The following KCNIP4 variants were observed in gnomAD, a reference collection of about 807,000 sequenced individuals.
KCNIP4 encodes Kv channel-interacting protein 4.
KCNIP4 carries 12 observed loss-of-function variants against 34.0 expected under a neutral mutation model. That is an observed-to-expected ratio of 0.35 (90% CI 0.23 to 0.57). KCNIP4 has a LOEUF of 0.57. Ranked by LOEUF, KCNIP4 falls within the 20% of genes least tolerant of loss-of-function variation. The probability of loss-of-function intolerance (pLI) is 0.83; values close to 1 mark genes in which losing one functional copy is unlikely to be tolerated. For missense variants in KCNIP4, 238 were observed against 311.7 expected, an observed-to-expected ratio of 0.76 and a Z score of 1.78; for synonymous variants, 124 against 102.2, an observed-to-expected ratio of 1.21 and a Z score of -1.29.
At chr4:20,735,942 T>C (rs1475473903) in intron 5 of KCNIP4, among the ~76,000 whole-genome samples, 1 of 152,232 alleles carries the variant, frequency 6.6e-6, no homozygotes, top group Non-Finnish European at 1.5e-5. Context: ...CCAAAAGTCT[T>C]CTGGGTGAAT....
rs756151850 is a variant in KCNIP4 at position 21,387,589 on chromosome 4, C to T, written c.62-504880G>A. 1.1e-4 allele frequency among the ~76,000 whole-genome samples: 17 copies of T among 152,210 alleles called. No individual in the cohort carries two copies. The East Asian group carries it at 1.7e-3, about 16-fold the overall frequency. On this transcript the variant is annotated intron_variant, in intron 1 of 8. Transcript: ENST00000382152. ...TTTCCATTTCTGAAAAGAAAAACAA[C>T]GCACACTATTAAATTCCTGGCTCAG...
intron 1 of KCNIP4, among the ~76,000 whole-genome samples, chr4:20,900,187 A>G: frequency 6.6e-6 from 1 of 152,320 alleles, no homozygotes; most frequent in Non-Finnish European, 1.5e-5. Context: ...GAAATGGAAT[A>G]TAGGGCTCCT....
chr4:21,296,212 A>G (rs1763831581), intron 1 of KCNIP4, among the ~76,000 whole-genome samples: 1 of 151,470 alleles, frequency 6.6e-6, no homozygotes, highest in Non-Finnish European at 1.5e-5. Flanking sequence ...CATCAGAACC[A>G]GTTTTAAACT....
At chr4:21,019,399 C>G (rs4549381) in intron 1 of KCNIP4, among the ~76,000 whole-genome samples, 7,480 of 152,292 alleles carry the variant, frequency 0.049, 238 homozygotes, top group Admixed American at 0.082. Flanking sequence ...CTCAGGTAAT[C>G]TGCCTGACTC....
chr4:21,156,871 G>A (rs1198535176), intron 1 of KCNIP4, among the ~76,000 whole-genome samples: 1 of 152,006 alleles, frequency 6.6e-6, no homozygotes, highest in Non-Finnish European at 1.5e-5. Flanking sequence ...AAGGTAATAT[G>A]CATTACTAAT....
At chr4:21,863,032 T>C (rs928558427) in intron 1 of KCNIP4, among the ~76,000 whole-genome samples, 4 of 152,090 alleles carry the variant, frequency 2.6e-5, no homozygotes, top group Non-Finnish European at 4.4e-5. Context: ...TTCCCATACT[T>C]TGGTACTGTT....
intron 1 of KCNIP4, among the ~76,000 whole-genome samples, chr4:21,061,942 C>A (rs1743962098): frequency 6.6e-6 from 1 of 152,130 alleles, no homozygotes; most frequent in Non-Finnish European, 1.5e-5. Context: ...AGGCAGATGG[C>A]CATCTACAAG....
intron 3 of KCNIP4, among the ~76,000 whole-genome samples, chr4:20,805,729 T>G (rs1392102586): frequency 1.3e-5 from 2 of 152,168 alleles, no homozygotes; most frequent in Admixed American, 1.3e-4. Flanking sequence ...AAATCTGTCT[T>G]TAATGGTTCT....
At chr4:21,619,433 A>C (rs1744855447) in intron 1 of KCNIP4, among the ~76,000 whole-genome samples, 1 of 152,232 alleles carries the variant, frequency 6.6e-6, no homozygotes, top group South Asian at 2.1e-4. Context: ...TATTTACATA[A>C]GTTTTGATCA....
chr4:21,913,710 G>A (rs552148283), intron 1 of KCNIP4, among the ~76,000 whole-genome samples: 32 of 152,182 alleles, frequency 2.1e-4, no homozygotes, highest in Admixed American at 4.6e-4. Context: ...TGAAGTAATC[G>A]AATAAGCATT....
At chr4:21,065,609 C>G (rs1744280230) in intron 1 of KCNIP4, among the ~76,000 whole-genome samples, 2 of 151,158 alleles carry the variant, frequency 1.3e-5, no homozygotes, top group Non-Finnish European at 2.9e-5. Flanking sequence ...TTCCAAATTG[C>G]TGACTGTACA....
At chr4:21,469,197 T>TCCCA (rs1328629362) in intron 1 of KCNIP4, among the ~76,000 whole-genome samples, 1 of 152,062 alleles carries the variant, frequency 6.6e-6, no homozygotes, top group African/African-American at 2.4e-5. Flanking sequence ...CCCAAGTAGC[T>TCCCA]GGGACTACAA....
intron 1 of KCNIP4, among the ~76,000 whole-genome samples, chr4:21,235,722 T>C (rs1342603616): frequency 6.6e-6 from 1 of 152,238 alleles, no homozygotes; most frequent in Non-Finnish European, 1.5e-5. Context: ...CAAGGATTTC[T>C]TTGGCTTAAC....
chr4:21,930,311 A>G (rs1729494274), intron 1 of KCNIP4, among the ~76,000 whole-genome samples: 2 of 152,124 alleles, frequency 1.3e-5, no homozygotes, highest in South Asian at 4.2e-4. Context: ...CCTCTTCTCT[A>G]CCTTCCACAC....
chr4:21,455,832 T>TC (rs1728905337), intron 1 of KCNIP4, among the ~76,000 whole-genome samples: 1 of 123,120 alleles, frequency 8.1e-6, no homozygotes, highest in African/African-American at 3.6e-5. Flanking sequence ...TATATATATA[T>TC]ATATATATAT....
intron 1 of KCNIP4, among the ~76,000 whole-genome samples, chr4:21,392,185 C>G (rs1722623677): frequency 6.6e-6 from 1 of 152,230 alleles, no homozygotes; most frequent in Non-Finnish European, 1.5e-5. Context: ...CACTTCCCAG[C>G]TATCTGCCAT....
intron 1 of KCNIP4, among the ~76,000 whole-genome samples, chr4:21,500,004 G>T (rs1733182178): frequency 6.6e-6 from 1 of 152,076 alleles, no homozygotes; most frequent in South Asian, 2.1e-4. Flanking sequence ...CTAAAAATCT[G>T]CAAGTAGAAT....
rs76621259 is a variant in KCNIP4 at position 21,513,308 on chromosome 4, A to T, written c.61+435263T>A. Among the ~76,000 whole-genome samples, 197 of 152,302 alleles carry T rather than the reference A, an allele frequency of 1.3e-3. 4 individuals carry two copies. In the East Asian group the frequency reaches 0.033, roughly 26 times the overall value. The stretch of plus-strand genomic sequence containing the variant: ...ATTCCAGAAGACTCTCGTTCAGGCA[A>T]ATAACTTAACAGCTCATTACGTTAA... On this transcript the variant is annotated intron_variant, in intron 1 of 8. Transcript: ENST00000382152.
At chr4:21,380,932 A>G (rs187955850) in intron 1 of KCNIP4, among the ~76,000 whole-genome samples, 4 of 152,244 alleles carry the variant, frequency 2.6e-5, no homozygotes, top group Admixed American at 2.0e-4. Context: ...GTTGCAAGGT[A>G]TATGTTCTCA....
Sources: allele counts gnomAD v4.1 joint callset (sites outside exome capture counted in the v4.1 genomes callset), GRCh38; gene constraint gnomAD v4.1.1; transcripts MANE v1.5; gene names NCBI Gene and HGNC (gene_info 2026-07-23, HGNC 2026-07-21).